Variants in PAQR5 observed in about 807,000 individuals in gnomAD.
PAQR5 encodes the protein progestin and adipoQ receptor family member 5.
A neutral mutation model predicts 34.5 loss-of-function variants in PAQR5; 20 were observed. That is an observed-to-expected ratio of 0.58 (90% CI 0.41 to 0.84). PAQR5 has a LOEUF of 0.84. Ranked by LOEUF, PAQR5 falls within the 40% of genes least tolerant of loss-of-function variation. The pLI is 0.00. For synonymous variants in PAQR5, 131 were observed against 155.6 expected, an observed-to-expected ratio of 0.84 and a Z score of 1.18; for missense variants, 378 against 412.7, an observed-to-expected ratio of 0.92 and a Z score of 0.73.
At chr15:69,377,373 G>C (rs1179759949) in intron 3 of PAQR5, among the ~76,000 whole-genome samples, 1 of 152,196 alleles carries the variant, frequency 6.6e-6, no homozygotes, top group African/African-American at 2.4e-5. Flanking sequence ...CAGCCTTAGT[G>C]GGGTGGAAAT....
intron 1 of PAQR5, among the ~76,000 whole-genome samples, chr15:69,309,741 A>C (rs2053790032): frequency 6.6e-6 from 1 of 152,180 alleles, no homozygotes; most frequent in Non-Finnish European, 1.5e-5. Flanking sequence ...AGGTTTCTCC[A>C]TATCAGTACC....
At position 69,302,957 on chromosome 15, in the gene PAQR5, A is replaced by T. The variant is rs553680347; in HGVS notation, c.-277+3901A>T. On this transcript the variant is annotated intron_variant, in intron 1 of 8. Coordinates refer to ENST00000395407, the MANE Select transcript of PAQR5 (RefSeq NM_017705.4). ...CTGCTTCTTCTTTGCTTCATTTTCC[A>T]TGGCTCACATCCCCTTCTGATGGCC... Among the ~76,000 whole-genome samples, 9 of 152,152 alleles carry T rather than the reference A, an allele frequency of 5.9e-5. No homozygotes were observed. The East Asian group carries it at 1.5e-3, about 26-fold the overall frequency.
At chr15:69,371,540 A>G (rs993320285) in intron 3 of PAQR5, among the ~76,000 whole-genome samples, 2 of 152,192 alleles carry the variant, frequency 1.3e-5, no homozygotes, top group Non-Finnish European at 1.5e-5. Flanking sequence ...TGAAAACAGT[A>G]GGGTTTTACT....
Position 69,359,971 on chromosome 15 carries a change from C to A in PAQR5, c.-110C>A. 1.3e-6 allele frequency: 1 copy of A among 785,866 alleles called. No homozygotes were observed. Among genetic ancestry groups the A allele is most frequent in the Non-Finnish European group, 2.2e-6 (1 of 456,094 alleles). 48.7% of individuals were successfully genotyped at this position (785,866 alleles called of 1,614,324 possible). On this transcript the variant is annotated 5_prime_UTR_variant, in exon 3 of 9. Transcript: ENST00000395407. The stretch of plus-strand genomic sequence containing the variant: ...TTCATGCTGTCCTCTTTCAGGGAAG[C>A]GGCACAGCACCAGCTAGGCAGAGAC...
At chr15:69,386,587 C>G (rs1308513319) in intron 5 of PAQR5, among the ~76,000 whole-genome samples, 1 of 140,184 alleles carries the variant, frequency 7.1e-6, no homozygotes, top group African/African-American at 2.5e-5. Flanking sequence ...CTCCCGGATT[C>G]CCTCCCACCC....
rs1479955051 is a variant in PAQR5 at position 69,386,850 on chromosome 15, C to T, written c.385+1968C>T. Among the ~76,000 whole-genome samples, 4 of 152,114 alleles carry T rather than the reference C, an allele frequency of 2.6e-5. No individual in the cohort carries two copies. The East Asian group carries it at 5.8e-4, about 22-fold the overall frequency. ...CATGAGACCAGAACTGTACCTGCTC[C>T]CGCCCCTGCCCCTACACCTGCTAGC... On this transcript the variant is annotated intron_variant, in intron 5 of 8. Coordinates refer to ENST00000395407, the MANE Select transcript of PAQR5 (RefSeq NM_017705.4).
intron 1 of PAQR5, among the ~76,000 whole-genome samples, chr15:69,328,090 C>T (rs757829554): frequency 5.3e-5 from 8 of 152,130 alleles, no homozygotes; most frequent in Non-Finnish European, 1.0e-4. Flanking sequence ...CAAGTCTCTT[C>T]TTCTATAATG....
intron 2 of PAQR5, among the ~76,000 whole-genome samples, chr15:69,351,250 G>A (rs1447445391): frequency 6.6e-6 from 1 of 152,236 alleles, no homozygotes; most frequent in Non-Finnish European, 1.5e-5. Context: ...TGCTATCAAG[G>A]ACTTGAAGAC....
chr15:69,342,118 A>G lies in PAQR5; in HGVS notation c.-116+4617A>G, dbSNP rs578038863. ...TTTCTATTTCTCCACACCCTTGCCA[A>G]TACTTACCTTCTGTGTTTTTTGTTT... On this transcript the variant is annotated intron_variant, in intron 2 of 8. Coordinates refer to ENST00000395407, the MANE Select transcript of PAQR5 (RefSeq NM_017705.4). Among the ~76,000 whole-genome samples the G allele has an allele frequency of 7.2e-5, 11 of 152,184 alleles. No individual in the cohort carries two copies. The South Asian group carries it at 2.3e-3, about 32-fold the overall frequency.
chr15:69,325,585 CTGAATGAATGAATGAATGAATGAA>C (rs67697746), intron 1 of PAQR5, among the ~76,000 whole-genome samples: 1 of 150,268 alleles, frequency 6.7e-6, no homozygotes, highest in Non-Finnish European at 1.5e-5. Context: ...GAAATGTGTG[CTGAATGAATGAATGAATGAATGAA>C]TGAATGAATG....
At chr15:69,381,642 C>A (rs1446716406) in intron 4 of PAQR5, among the ~76,000 whole-genome samples, 2 of 152,184 alleles carry the variant, frequency 1.3e-5, no homozygotes, top group Non-Finnish European at 2.9e-5. Flanking sequence ...TACACGGTGC[C>A]AGGCTCTCAG....
intron 6 of PAQR5, chr15:69,397,141 G>A (rs1465087919): frequency 8.4e-6 from 4 of 474,056 alleles, no homozygotes; most frequent in African/African-American, 7.9e-5. Context: ...AGCAACTAGA[G>A]TTTTAAAAGG....
At chr15:69,342,292 T>C (rs367691505) in intron 2 of PAQR5, among the ~76,000 whole-genome samples, 1 of 12,114 alleles carries the variant, frequency 8.3e-5, no homozygotes, top group African/African-American at 1.7e-4. Context: ...ATTATTATTA[T>C]TATTATTATT....
chr15:69,304,138 A>G (rs755794803), intron 1 of PAQR5, among the ~76,000 whole-genome samples: 22 of 152,106 alleles, frequency 1.4e-4, no homozygotes, highest in Non-Finnish European at 1.8e-4. Context: ...GACTGAGGCC[A>G]TTGTAGGCCC....
In PAQR5 at chr15:69,384,728, T is replaced by C. The variant is rs765313941; in HGVS notation, c.231T>C (p.Asn77=). The C allele has an allele frequency of 6.2e-7, 1 of 1,614,118 alleles. No individual in the cohort carries two copies. The highest frequency in any genetic ancestry group is 8.5e-7 in the Non-Finnish European group (1 of 1,179,974). ...VTALYMTDIK[N]DSYSWPMLVY... ...CACTGTATATGACAGACATCAAGAATGACAGCTACTCCTGGCCCATGCTTG... is the reference window on the plus strand; with the variant it reads ...CACTGTATATGACAGACATCAAGAACGACAGCTACTCCTGGCCCATGCTTG... Residue 77 remains asparagine, a synonymous_variant, in exon 5 of 9, where the codon AAT becomes AAC. Coordinates refer to ENST00000395407, the MANE Select transcript of PAQR5 (RefSeq NM_017705.4).
At chr15:69,313,845 G>C (rs1293341417) in intron 1 of PAQR5, among the ~76,000 whole-genome samples, 1 of 152,152 alleles carries the variant, frequency 6.6e-6, no homozygotes, top group Non-Finnish European at 1.5e-5. Context: ...CCAACAGTGA[G>C]GGTGGGGATC....
intron 2 of PAQR5, among the ~76,000 whole-genome samples, chr15:69,343,425 A>C (rs1262047107): frequency 6.6e-6 from 1 of 152,218 alleles, no homozygotes; most frequent in African/African-American, 2.4e-5. Flanking sequence ...AGAGGGAAAG[A>C]AATAGAGGCA....
chr15:69,322,689 G>GA (rs2054127631), intron 1 of PAQR5, among the ~76,000 whole-genome samples: 1 of 66,998 alleles, frequency 1.5e-5, no homozygotes, highest in Non-Finnish European at 2.6e-5. Flanking sequence ...AGAAGGAGAA[G>GA]AGGAAGAAGA....
At chr15:69,318,995 G>A (rs1293823831) in intron 1 of PAQR5, among the ~76,000 whole-genome samples, 4 of 151,396 alleles carry the variant, frequency 2.6e-5, no homozygotes, top group South Asian at 2.1e-4. Context: ...TTAGCTAGGC[G>A]TGGTAGGGGG....
Sources: gnomAD v4.1 joint callset for allele counts (sites outside exome capture counted in the v4.1 genomes callset) on GRCh38, gnomAD v4.1.1 for gene constraint, MANE v1.5 for transcripts, NCBI Gene and HGNC (gene_info 2026-07-23, HGNC 2026-07-21) for gene names.